The following GPX6 variants were observed in gnomAD, a reference collection of about 807,000 sequenced individuals.
The protein encoded by GPX6 is glutathione peroxidase 6.
GPX6 carries 21 observed loss-of-function variants against 20.0 expected under a neutral mutation model. The ratio of observed to expected loss-of-function variants is 1.05; its 90% CI spans 0.74 to 1.51. GPX6 has a LOEUF of 1.51. Among genes scored for constraint, GPX6 ranks in the 40% most tolerant of loss-of-function variants. The pLI is 0.00. For synonymous variants in GPX6, 75 were observed against 98.0 expected (o/e 0.77, Z 1.38); for missense variants, 233 against 254.7 (o/e 0.91, Z 0.58).
chr6:28,510,373 C>G (rs995119751), intron 2 of GPX6, among the ~76,000 whole-genome samples: 1 of 152,220 alleles, frequency 6.6e-6, no homozygotes, highest in Admixed American at 6.5e-5. Context: ...ACTTCAATTC[C>G]TTGAACTCGT....
In GPX6 at chr6:28,510,790, T is replaced by G. The variant is rs779855505; in HGVS notation, c.202A>C (p.Asn68His). 6.2e-7 allele frequency: 1 copy of G among 1,614,080 alleles called. No homozygotes were observed. Among genetic ancestry groups the G allele is most frequent in the Non-Finnish European group, 8.5e-7 (1 of 1,180,016 alleles). The change falls in exon 2 of 5, where the codon AAT (asparagine) becomes CAT (histidine). Residue 68 changes from asparagine (N) to histidine (H), a missense_variant. By Grantham distance (68) the Asn-to-His change is moderately conservative. Transcript: ENST00000361902. ...QFAGKHVLFV[N>H]VAAYUGLAAQ... ...GCCAAGCCTCAATAGGCGGCCACAT[T>G]GACAAACAGGACGTGCTTGCCTGCA...
In GPX6 at chr6:28,506,706, A is replaced by AACACACACAC. The variant is rs56155284; in HGVS notation, c.242-287_242-278dup. On this transcript the variant is annotated intron_variant, in intron 2 of 4. Transcript: ENST00000361902. ...ATGAGAACTCTTATTTTTTTTTTTA[A>AACACACACAC]ACACACACACACACACACACACACA... Among the ~76,000 whole-genome samples, 947 of 145,172 alleles carry AACACACACAC rather than the reference A, an allele frequency of 6.5e-3. 11 individuals carry two copies. Among genetic ancestry groups the AACACACACAC allele is most frequent in the South Asian group, 0.044 (197 of 4,464 alleles).
intron 2 of GPX6, among the ~76,000 whole-genome samples, chr6:28,506,975 C>G (rs1762812129): frequency 6.6e-6 from 1 of 152,164 alleles, no homozygotes; most frequent in Non-Finnish European, 1.5e-5. Context: ...GGTGCTCCAC[C>G]CTGGGAGTGG....
chr6:28,512,623 G>A (rs376733219), intron 1 of GPX6, among the ~76,000 whole-genome samples: 1 of 152,196 alleles, frequency 6.6e-6, no homozygotes, highest in Non-Finnish European at 1.5e-5. Context: ...GCCGGAGCCA[G>A]CAGTGGCAGC....
intron 1 of GPX6, among the ~76,000 whole-genome samples, chr6:28,511,449 G>A (rs1762871934): frequency 6.6e-6 from 1 of 152,214 alleles, no homozygotes; most frequent in Admixed American, 6.5e-5. Flanking sequence ...AGAGAAAGGC[G>A]GGTACCTAAC....
chr6:28,504,326 A>G lies in GPX6; in HGVS notation c.632T>C (p.Ile211Thr), dbSNP rs1347546763. The G allele has an allele frequency of 6.2e-7, 1 of 1,614,160 alleles. No individual in the cohort carries two copies. The highest frequency in any genetic ancestry group is 2.2e-5 in the East Asian group (1 of 44,880). ...ATTGAACTGCTTTAGGTACTCCAGGATGTCTGACTTGACTGTGCTGACTGG... is the reference window on the plus strand; with the variant it reads ...ATTGAACTGCTTTAGGTACTCCAGGGTGTCTGACTTGACTGTGCTGACTGG... ...QAPVSTVKSD[I>T]LEYLKQFNTH The change falls in exon 5 of 5, where the codon ATC (isoleucine) becomes ACC (threonine). Residue 211 changes from isoleucine (I) to threonine (T), a missense_variant. Coordinates refer to ENST00000361902, the MANE Select transcript of GPX6 (RefSeq NM_182701.1).
chr6:28,506,444 T>C lies in GPX6; in HGVS notation c.242-15A>G, dbSNP rs762468100. The C allele has an allele frequency of 2.0e-6, 3 of 1,483,062 alleles. No homozygotes were observed. In the African/African-American group the frequency reaches 4.2e-5, roughly 21 times the overall value. The allele number at this position is 1,483,062 out of a possible 1,614,324, so 91.9% of individuals were successfully genotyped here. ...TGCATTCAGTTCTGTAAGTGGACAATGAATAGCAGGGGTGGGCTGGTCAGG... is the reference window on the plus strand; with the variant it reads ...TGCATTCAGTTCTGTAAGTGGACAACGAATAGCAGGGGTGGGCTGGTCAGG... On this transcript the variant is annotated splice_polypyrimidine_tract_variant and intron_variant, in intron 2 of 4. Coordinates refer to ENST00000361902, the MANE Select transcript of GPX6 (RefSeq NM_182701.1).
intron 2 of GPX6, among the ~76,000 whole-genome samples, chr6:28,510,362 A>G (rs1037080733): frequency 6.6e-6 from 1 of 152,222 alleles, no homozygotes; most frequent in African/African-American, 2.4e-5. Context: ...TCCAGAACAG[A>G]ACTTCAATTC....
intron 4 of GPX6, 21 bp from the exon 5 acceptor site, chr6:28,504,519 G>C (rs1762789192): frequency 6.2e-7 from 1 of 1,601,340 alleles, no homozygotes; most frequent in Admixed American, 1.7e-5. Flanking sequence ...GATATAGAAA[G>C]TAGAGATATA....
At chr6:28,511,701 C>G (rs1762879017) in intron 1 of GPX6, among the ~76,000 whole-genome samples, 1 of 152,296 alleles carries the variant, frequency 6.6e-6, no homozygotes, top group Non-Finnish European at 1.5e-5. Context: ...CCTTTGCTCG[C>G]TCTCCGCGCC....
At position 28,504,466 on chromosome 6, in the gene GPX6, G is replaced by T. The variant is rs1581836827; in HGVS notation, c.492C>A (p.Gly164=). 3 of 1,614,000 alleles carry T rather than the reference G, an allele frequency of 1.9e-6. No homozygotes were observed. In the Admixed American group the frequency reaches 5.0e-5, roughly 27 times the overall value. ...GCTCCCAGAAGAGTTGGCTTGATGA[G>T]CCCAAAAGATCAGAGGTCGGAGGGC... ...NSCPPTSDLL[G]SSSQLFWEPM... The change falls in exon 5 of 5, where the codon GGC becomes GGA. Residue 164 remains glycine (G), a synonymous_variant. Coordinates refer to ENST00000361902, the MANE Select transcript of GPX6 (RefSeq NM_182701.1).
At chr6:28,508,972 C>T (rs897693572) in intron 2 of GPX6, among the ~76,000 whole-genome samples, 1 of 151,948 alleles carries the variant, frequency 6.6e-6, no homozygotes, top group Non-Finnish European at 1.5e-5. Context: ...TTGGAGGAGC[C>T]GGAATTTTAT....
At chr6:28,513,956 A>G (rs769317370) in intron 1 of GPX6, among the ~76,000 whole-genome samples, 1 of 152,238 alleles carries the variant, frequency 6.6e-6, no homozygotes, top group Non-Finnish European at 1.5e-5. Flanking sequence ...AGCCCTTTCA[A>G]GTCCATATTT....
chr6:28,511,923 C>G (rs1483706235), intron 1 of GPX6, among the ~76,000 whole-genome samples: 1 of 152,148 alleles, frequency 6.6e-6, no homozygotes, highest in African/African-American at 2.4e-5. Context: ...TCAGCGGGCC[C>G]CGCACTCGGA....
intron 2 of GPX6, among the ~76,000 whole-genome samples, chr6:28,509,725 T>G (rs769226547): frequency 6.6e-6 from 1 of 152,190 alleles, no homozygotes; most frequent in Non-Finnish European, 1.5e-5. Context: ...CCAACAGTAA[T>G]GCAAAACTCT....
At chr6:28,505,456 C>T (rs1419038321) in intron 4 of GPX6, among the ~76,000 whole-genome samples, 1 of 152,218 alleles carries the variant, frequency 6.6e-6, no homozygotes, top group African/African-American at 2.4e-5. Flanking sequence ...TACTGGAGAT[C>T]TGATAAATGA....
rs540625467 is a variant in GPX6, at chr6:28,513,481, G to A, written c.87+2176C>T. ...CAGCGAGCCACACGCCCCGTCGCAT[G>A]CCTTGTGAGAGGGACAAGGGAACTT... is the stretch of plus-strand genomic sequence containing the variant. On this transcript the variant is annotated intron_variant, in intron 1 of 4. Transcript: ENST00000361902. Among the ~76,000 whole-genome samples, 10 of 152,322 alleles carry A rather than the reference G, an allele frequency of 6.6e-5. No individual in the cohort carries two copies. The South Asian group carries it at 1.5e-3, about 22-fold the overall frequency.
At chr6:28,512,598 G>C (rs933431915) in intron 1 of GPX6, among the ~76,000 whole-genome samples, 1 of 152,176 alleles carries the variant, frequency 6.6e-6, no homozygotes, top group African/African-American at 2.4e-5. Context: ...GGCCAGATAA[G>C]AATAAAAGGC....
rs557811695 is a variant in GPX6, at chr6:28,511,425, G to A, written c.88-521C>T. On this transcript the variant is annotated intron_variant, in intron 1 of 4. Coordinates refer to ENST00000361902, the MANE Select transcript of GPX6 (RefSeq NM_182701.1). ...CACTGGTGATGGGGGAGGGGCGGCCGGGAAGTGCTGGGTAGAGAAAGGCGG... is the reference window on the plus strand; with the variant it reads ...CACTGGTGATGGGGGAGGGGCGGCCAGGAAGTGCTGGGTAGAGAAAGGCGG... 1.4e-3 allele frequency among the ~76,000 whole-genome samples: 206 copies of A among 152,334 alleles called. 5 individuals carry two copies. The highest frequency in any genetic ancestry group is 4.5e-3 in the African/African-American group (187 of 41,578).
Sources: gnomAD v4.1 joint callset for allele counts (sites outside exome capture counted in the v4.1 genomes callset) on GRCh38, gnomAD v4.1.1 for gene constraint, MANE v1.5 for transcripts, NCBI Gene and HGNC (gene_info 2026-07-23, HGNC 2026-07-21) for gene names.